MAP3K5: variants seen among roughly 807,000 people sequenced by gnomAD.
MAP3K5 encodes ASK-1.
In MAP3K5, 56 loss-of-function variants were observed where a neutral mutation model predicts 158.7. The observed-to-expected ratio is 0.35, with a 90% CI of 0.28 to 0.44. The LOEUF (loss-of-function observed/expected upper bound fraction) is 0.44, where lower values mean the gene tolerates loss of function less well. Ranked by LOEUF, MAP3K5 falls within the 20% of genes least tolerant of loss-of-function variation. The probability of loss-of-function intolerance (pLI) is 1.00; values close to 1 mark genes in which losing one functional copy is unlikely to be tolerated. For missense variants in MAP3K5, 1,294 were observed against 1,674.8 expected (o/e 0.77, Z 3.97); for synonymous variants, 579 against 601.7 (o/e 0.96, Z 0.55).
At chr6:136,691,777 T>C (rs905398710) in intron 7 of MAP3K5, among the ~76,000 whole-genome samples, 3 of 152,212 alleles carry the variant, frequency 2.0e-5, no homozygotes, top group African/African-American at 7.2e-5. Flanking sequence ...TTAATCTGAT[T>C]TGATGACATT....
At chr6:136,746,359 CTT>C (rs1782959852) in intron 1 of MAP3K5, among the ~76,000 whole-genome samples, 1 of 152,032 alleles carries the variant, frequency 6.6e-6, no homozygotes. Flanking sequence ...GGAAGATAAT[CTT>C]ACCTGTAATA....
chr6:136,678,631 T>C (rs951647630), intron 7 of MAP3K5, among the ~76,000 whole-genome samples: 4 of 152,216 alleles, frequency 2.6e-5, no homozygotes, highest in African/African-American at 4.8e-5. Context: ...AAGAGAAATT[T>C]AGTGGCTATC....
At chr6:136,770,907 TA>T (rs1562692384) in intron 1 of MAP3K5, among the ~76,000 whole-genome samples, 1 of 152,130 alleles carries the variant, frequency 6.6e-6, no homozygotes, top group Non-Finnish European at 1.5e-5. Flanking sequence ...AGGAAAAATA[TA>T]ATAAATTTTT....
chr6:136,698,528 C>T lies in MAP3K5; in HGVS notation c.767G>A (p.Arg256His), dbSNP rs755673569. 11 of 1,613,770 alleles carry T rather than the reference C, an allele frequency of 6.8e-6. No individual in the cohort carries two copies. The Admixed American group carries it at 1.3e-4, about 20-fold the overall frequency. Reference sequence around the variant, plus strand: ...TGCCACCTTCAAAAGTTGAATAAAACGATCCACAAGAGGTAAGCAGATGGG... The same window carrying T: ...TGCCACCTTCAAAAGTTGAATAAAATGATCCACAAGAGGTAAGCAGATGGG... ...LGPICLPLVD[R>H]FIQLLKVAQA... The change falls in exon 4 of 30, where the codon CGT (arginine) becomes CAT (histidine). Residue 256 changes from arginine (R) to histidine (H), a missense_variant. By Grantham distance (29) the Arg-to-His change is conservative. Around this residue, in one of 5 missense-constraint regions of MAP3K5, gnomAD observed 690 missense variants for 870.5 expected, o/e 0.79. Transcript: ENST00000359015.
Position 136,660,410 on chromosome 6 carries a change from A to G in MAP3K5, c.1367-1032T>C, listed in dbSNP as rs78106016. Among the ~76,000 whole-genome samples, 349 of 152,204 alleles carry G rather than the reference A, an allele frequency of 2.3e-3. 11 individuals are homozygous for G. In the East Asian group the frequency reaches 0.048, roughly 21 times the overall value. ...CATGAAAAAAAATTTAAAATCTAAA[A>G]AAAAGAAAAAACAGAAAAAAAAAGG... On this transcript the variant is annotated intron_variant, in intron 8 of 29. Coordinates refer to ENST00000359015, the MANE Select transcript of MAP3K5 (RefSeq NM_005923.4).
At chr6:136,574,134 T>G (rs1382389185) in intron 25 of MAP3K5, among the ~76,000 whole-genome samples, 2 of 152,194 alleles carry the variant, frequency 1.3e-5, no homozygotes, top group Non-Finnish European at 2.9e-5. Context: ...TTTCACCATG[T>G]TGGCCAGGCT....
At chr6:136,599,175 G>A (rs1410262117) in intron 21 of MAP3K5, among the ~76,000 whole-genome samples, 1 of 148,802 alleles carries the variant, frequency 6.7e-6, no homozygotes, top group East Asian at 2.1e-4. Context: ...AAAAGGGGGG[G>A]GGGGCGTGGA....
chr6:136,694,818 T>A (rs1218436321), intron 6 of MAP3K5, among the ~76,000 whole-genome samples: 8 of 152,216 alleles, frequency 5.3e-5, no homozygotes. Flanking sequence ...TCTAAGGAAG[T>A]TGCTTTATGT....
intron 11 of MAP3K5, among the ~76,000 whole-genome samples, chr6:136,648,959 T>G (rs1408266048): frequency 6.6e-6 from 1 of 152,226 alleles, no homozygotes; most frequent in Non-Finnish European, 1.5e-5. Flanking sequence ...ATTAGGAATC[T>G]GCAATTTATT....
At chr6:136,674,409 C>T (rs1236533508) in intron 7 of MAP3K5, among the ~76,000 whole-genome samples, 3 of 151,758 alleles carry the variant, frequency 2.0e-5, no homozygotes, top group African/African-American at 7.3e-5. Context: ...CTATAAAAGT[C>T]GAGGATGCAG....
intron 2 of MAP3K5, among the ~76,000 whole-genome samples, chr6:136,719,288 C>G (rs941152870): frequency 6.6e-6 from 1 of 152,046 alleles, no homozygotes; most frequent in East Asian, 1.9e-4. Context: ...AGCAGCAAAT[C>G]AAAATGTCTA....
chr6:136,710,004 A>G (rs1222689097), intron 2 of MAP3K5, among the ~76,000 whole-genome samples: 1 of 152,228 alleles, frequency 6.6e-6, no homozygotes, highest in South Asian at 2.1e-4. Flanking sequence ...TGTAGATGCT[A>G]AAGGGCTACA....
At chr6:136,771,920 AT>A (rs199994445) in intron 1 of MAP3K5, among the ~76,000 whole-genome samples, 199 of 148,600 alleles carry the variant, frequency 1.3e-3, no homozygotes, top group African/African-American at 4.7e-3. Flanking sequence ...CTCCCTTTTT[AT>A]TTTTTTTTTA....
At chr6:136,781,039 TTTAA>T (rs1391418008) in intron 1 of MAP3K5, among the ~76,000 whole-genome samples, 2 of 152,186 alleles carry the variant, frequency 1.3e-5, no homozygotes, top group African/African-American at 4.8e-5. Context: ...GCTTACAAAA[TTTAA>T]TTAGTAGGAA....
intron 3 of MAP3K5, among the ~76,000 whole-genome samples, chr6:136,703,224 A>G (rs191316460): frequency 2.0e-5 from 3 of 152,232 alleles, no homozygotes; most frequent in Non-Finnish European, 2.9e-5. Flanking sequence ...CTCTCTCTCA[A>G]GTCAGCGGGC....
chr6:136,607,194 A>AC (rs1274915416), intron 18 of MAP3K5, among the ~76,000 whole-genome samples: 1 of 151,002 alleles, frequency 6.6e-6, no homozygotes, highest in African/African-American at 2.4e-5. Flanking sequence ...GAAGCCTACC[A>AC]CCCCCTTTTG....
At chr6:136,733,262 T>C (rs1782303462) in intron 1 of MAP3K5, among the ~76,000 whole-genome samples, 2 of 152,212 alleles carry the variant, frequency 1.3e-5, no homozygotes, top group Non-Finnish European at 2.9e-5. Context: ...CCTCCTAAAG[T>C]ACTGGGATTA....
chr6:136,777,093 T>C (rs1249535937), intron 1 of MAP3K5, among the ~76,000 whole-genome samples: 1 of 152,226 alleles, frequency 6.6e-6, no homozygotes, highest in African/African-American at 2.4e-5. Context: ...TTGGTAGCAC[T>C]GAGTTGCTCA....
At chr6:136,595,934 C>T (rs1025424025) in intron 21 of MAP3K5, among the ~76,000 whole-genome samples, 8 of 152,054 alleles carry the variant, frequency 5.3e-5, no homozygotes, top group African/African-American at 1.9e-4. Flanking sequence ...TGCTTGAACC[C>T]AGGAGGCGGA....
Sources: allele counts gnomAD v4.1 joint callset (sites outside exome capture counted in the v4.1 genomes callset), GRCh38; gene constraint gnomAD v4.1.1; regional missense constraint gnomAD v4.1.1; transcripts MANE v1.5; gene names NCBI Gene and HGNC (gene_info 2026-07-23, HGNC 2026-07-21).